VAV2: variants seen among roughly 807,000 people sequenced by gnomAD.
The protein encoded by VAV2 is guanine nucleotide exchange factor VAV2.
Under a neutral mutation model 132.5 loss-of-function variants are expected in VAV2, and 67 were observed. That is an observed-to-expected ratio of 0.51 (90% CI 0.42 to 0.62). The LOEUF is 0.62. VAV2 is among the 20% of genes least tolerant of loss of function. VAV2 has a pLI of 0.00. For synonymous variants in VAV2, 492 were observed against 443.5 expected, an observed-to-expected ratio of 1.11 and a Z score of -1.37; for missense variants, 938 against 1,153.6, an observed-to-expected ratio of 0.81 and a Z score of 2.71.
At chr9:133,931,603 C>A (rs984051751) in intron 2 of VAV2, among the ~76,000 whole-genome samples, 2 of 152,238 alleles carry the variant, frequency 1.3e-5, no homozygotes, top group Non-Finnish European at 2.9e-5. Context: ...CTGTCAATGG[C>A]AACTATCCCC....
At chr9:133,938,007 C>T (rs555531495) in intron 2 of VAV2, among the ~76,000 whole-genome samples, 3 of 152,356 alleles carry the variant, frequency 2.0e-5, no homozygotes, top group African/African-American at 7.2e-5. Context: ...AGGTCCTGAC[C>T]TGAGGCCGTG....
intron 3 of VAV2, among the ~76,000 whole-genome samples, chr9:133,851,857 ATGGATAGGTGGG>A (rs1837189834): frequency 6.7e-6 from 1 of 149,974 alleles, no homozygotes; most frequent in African/African-American, 2.5e-5. Context: ...GGATGGATGG[ATGGATAGGTGGG>A]TGAATAAATG....
intron 1 of VAV2, among the ~76,000 whole-genome samples, chr9:133,940,102 T>C (rs1480960324): frequency 2.0e-5 from 3 of 152,142 alleles, no homozygotes; most frequent in African/African-American, 7.2e-5. Flanking sequence ...GGGCCCCAGG[T>C]TGGAATCCTG....
intron 2 of VAV2, among the ~76,000 whole-genome samples, chr9:133,924,302 C>A (rs1378188447): frequency 6.6e-6 from 1 of 152,140 alleles, no homozygotes; most frequent in Non-Finnish European, 1.5e-5. Flanking sequence ...CCTGCCTTAG[C>A]CTCCCGAGTA....
Position 133,863,840 on chromosome 9 carries a change from C to T in VAV2, c.322-2408G>A, listed in dbSNP as rs1837694025. Among the ~76,000 whole-genome samples, 2 of 152,162 alleles carry T rather than the reference C, an allele frequency of 1.3e-5. No homozygotes were observed. The highest frequency in any genetic ancestry group is 2.1e-4 in the South Asian group (1 of 4,832). ...AGGGGCTGCTGGAGCAGACACCGGACCCCTGAGATAGCCATGGGGTCAGAT... is the reference window on the plus strand; with the variant it reads ...AGGGGCTGCTGGAGCAGACACCGGATCCCTGAGATAGCCATGGGGTCAGAT... On this transcript the variant is annotated intron_variant, in intron 2 of 29. Coordinates refer to ENST00000371850, the MANE Select transcript of VAV2 (RefSeq NM_001134398.2). This position sits in a 1 kb window ranked among gnomAD's most constrained non-coding sequence, Gnocchi z 5.0.
intron 1 of VAV2, among the ~76,000 whole-genome samples, chr9:133,990,474 C>A (rs894148917): frequency 6.6e-6 from 1 of 152,150 alleles, no homozygotes; most frequent in African/African-American, 2.4e-5. Flanking sequence ...AGCCCCCGGA[C>A]CCAGCGAGTC....
Position 133,769,329 on chromosome 9 carries a change from C to A in VAV2, c.2434+88G>T. ...ACAACTGTGGCCACGTCAGGCAGGG[C>A]TGTGGGGCCAGTGGGCAGCTCCGTG... On this transcript the variant is annotated intron_variant, in intron 28 of 29. Transcript: ENST00000371850. The surrounding 1 kb of genome is among the most constrained non-coding windows in gnomAD (Gnocchi z 8.1). The A allele has an allele frequency of 7.2e-7, 1 of 1,384,184 alleles. No individual in the cohort carries two copies. Among genetic ancestry groups the A allele is most frequent in the Non-Finnish European group, 9.8e-7 (1 of 1,015,240 alleles). The allele number at this position is 1,384,184 out of a possible 1,614,324, so 85.7% of individuals were successfully genotyped here.
In VAV2 at chr9:133,788,199, G is replaced by A. The variant is rs952997339; in HGVS notation, c.1407+155C>T. Among the ~76,000 whole-genome samples, 1 of 152,160 alleles carries A rather than the reference G, an allele frequency of 6.6e-6. No homozygotes were observed. The highest frequency in any genetic ancestry group is 1.5e-5 in the Non-Finnish European group (1 of 68,036). ...GACGGCGAGGCAGTGACTCAGAGAG[G>A]AGCCTTCCTGCAGAGCGGAGACGCC... On this transcript the variant is annotated intron_variant, in intron 15 of 29. Transcript: ENST00000371850. This position sits in a 1 kb window ranked among gnomAD's most constrained non-coding sequence, Gnocchi z 5.3.
intron 1 of VAV2, among the ~76,000 whole-genome samples, chr9:133,950,677 A>G (rs60641678): frequency 0.02 from 3,023 of 152,232 alleles, 95 homozygotes; most frequent in African/African-American, 0.07. Flanking sequence ...CTCTCTGGCC[A>G]CCTGGCTCTG....
chr9:133,783,391 CT>C, intron 19 of VAV2, 111 bp downstream of exon 19: 1 of 1,014,754 alleles, frequency 9.9e-7, no homozygotes, highest in Admixed American at 1.8e-5. Flanking sequence ...GTGCCCTCAT[CT>C]GGTCGCTGCC....
chr9:133,938,821 G>A (rs1841023336), intron 2 of VAV2, among the ~76,000 whole-genome samples: 1 of 152,168 alleles, frequency 6.6e-6, no homozygotes, highest in African/African-American at 2.4e-5. Flanking sequence ...TCTGCACTCT[G>A]CTCTTCCCCC....
In VAV2 at chr9:133,834,407, G is replaced by A; in HGVS notation, c.381-67C>T. 1 of 1,538,926 alleles carries A rather than the reference G, an allele frequency of 6.5e-7. No homozygotes were observed. The highest frequency in any genetic ancestry group is 8.9e-7 in the Non-Finnish European group (1 of 1,128,660). ...ACTGCCGGCCAGTGGGACCCCAGCTGGACCCCACAGCAGAGCCCAGTGTGG... is the reference window on the plus strand; with the variant it reads ...ACTGCCGGCCAGTGGGACCCCAGCTAGACCCCACAGCAGAGCCCAGTGTGG... On this transcript the variant is annotated intron_variant, in intron 3 of 29. Transcript: ENST00000371850. The surrounding 1 kb of genome is among the most constrained non-coding windows in gnomAD (Gnocchi z 5.9).
intron 4 of VAV2, among the ~76,000 whole-genome samples, chr9:133,831,535 C>T (rs1836264241): frequency 6.6e-6 from 1 of 152,172 alleles, no homozygotes; most frequent in Admixed American, 6.5e-5. Flanking sequence ...GCACTATAAA[C>T]CAGCAGGGGC....
At chr9:133,770,780 A>T (rs1299941835) in intron 26 of VAV2, among the ~76,000 whole-genome samples, 1 of 152,228 alleles carries the variant, frequency 6.6e-6, no homozygotes, top group Non-Finnish European at 1.5e-5. Flanking sequence ...GAAAGAATGG[A>T]AACACTCTGT....
intron 7 of VAV2, among the ~76,000 whole-genome samples, chr9:133,808,826 G>A (rs1323760469): frequency 1.3e-5 from 2 of 152,234 alleles, no homozygotes; most frequent in African/African-American, 4.8e-5. Flanking sequence ...GACAGGCGCA[G>A]GCCGGGACTT....
At position 133,804,667 on chromosome 9, in the gene VAV2, G is replaced by A. The variant is rs899706563; in HGVS notation, c.836+1414C>T. Among the ~76,000 whole-genome samples the A allele has an allele frequency of 9.2e-5, 14 of 152,202 alleles. No individual in the cohort carries two copies. Among genetic ancestry groups the A allele is most frequent in the Admixed American group, 8.5e-4 (13 of 15,286 alleles). On this transcript the variant is annotated intron_variant, in intron 9 of 29. Coordinates refer to ENST00000371850, the MANE Select transcript of VAV2 (RefSeq NM_001134398.2). This position sits in a 1 kb window ranked among gnomAD's most constrained non-coding sequence, Gnocchi z 4.5. ...GGCCGAGGGACAGCATGAACAAGGC[G>A]CTGAAAAGGACCACTGTACCCCACA...
At chr9:133,888,561 C>T (rs1838804350) in intron 2 of VAV2, among the ~76,000 whole-genome samples, 1 of 152,156 alleles carries the variant, frequency 6.6e-6, no homozygotes, top group South Asian at 2.1e-4. Flanking sequence ...TGTCCAGGAG[C>T]CACGTCACTC....
intron 2 of VAV2, among the ~76,000 whole-genome samples, chr9:133,889,788 C>T (rs921946551): frequency 6.6e-6 from 1 of 152,162 alleles, no homozygotes; most frequent in Non-Finnish European, 1.5e-5. Context: ...CTCTGTCCCC[C>T]GTTAAACCTA....
At chr9:133,944,749 C>G (rs1322502917) in intron 1 of VAV2, among the ~76,000 whole-genome samples, 1 of 152,250 alleles carries the variant, frequency 6.6e-6, no homozygotes, top group Non-Finnish European at 1.5e-5. Context: ...AGGCCTGCGT[C>G]GTCAAGGCAG....
Sources: allele counts gnomAD v4.1 joint callset (sites outside exome capture counted in the v4.1 genomes callset), GRCh38; gene constraint gnomAD v4.1.1; non-coding constraint Gnocchi (gnomAD v3.1); transcripts MANE v1.5; gene names NCBI Gene and HGNC (gene_info 2026-07-23, HGNC 2026-07-21).